LRMDA: variants seen among roughly 807,000 people sequenced by gnomAD.
LRMDA encodes leucine rich melanocyte differentiation associated.
A neutral mutation model predicts 29.8 loss-of-function variants in LRMDA; 18 were observed. The observed-to-expected ratio is 0.60, with a 90% confidence interval of 0.42 to 0.90. The LOEUF is 0.90. Ranked by LOEUF, LRMDA falls within the 40% of genes least tolerant of loss-of-function variation. The probability of loss-of-function intolerance (pLI) is 0.00; values close to 1 mark genes in which losing one functional copy is unlikely to be tolerated. For synonymous variants in LRMDA, 125 were observed against 109.4 expected, an observed-to-expected ratio of 1.14 and a Z score of -0.89; for missense variants, 273 against 273.9, an observed-to-expected ratio of 1.00 and a Z score of 0.02.
rs1032983330 is a variant in LRMDA at position 75,438,276 on chromosome 10, T to G, written c.31-118T>G. The G allele has an allele frequency of 1.2e-5, 10 of 818,806 alleles. No individual in the cohort carries two copies. The African/African-American group carries it at 1.7e-4, about 14-fold the overall frequency. 50.7% of individuals were successfully genotyped at this position (818,806 alleles called of 1,614,324 possible). ...AACAGTCACAAGTGTGGCCTTTTTG[T>G]GTGTGAGAAACATGTGTTTCAAGTT... is the stretch of plus-strand genomic sequence containing the variant. On this transcript the variant is annotated intron_variant, in intron 1 of 6. Coordinates refer to ENST00000611255, the MANE Select transcript of LRMDA (RefSeq NM_001305581.2).
At chr10:75,435,804 T>C (rs1346535328) in intron 1 of LRMDA, among the ~76,000 whole-genome samples, 1 of 152,174 alleles carries the variant, frequency 6.6e-6, no homozygotes, top group East Asian at 1.9e-4. Context: ...TCCCAGGCTC[T>C]AACACTCTTC....
intron 5 of LRMDA, chr10:76,319,176 T>TG (rs1283402271): frequency 6.6e-6 from 1 of 152,300 alleles, no homozygotes; most frequent in Non-Finnish European, 1.5e-5. Context: ...CCCAAAGTGC[T>TG]GGGATTACAG....
intron 2 of LRMDA, among the ~76,000 whole-genome samples, chr10:75,521,830 C>A (rs11001407): frequency 6.6e-6 from 1 of 152,266 alleles, no homozygotes; most frequent in East Asian, 1.9e-4. Flanking sequence ...TGTTCCTATT[C>A]GGCCATCCAT....
chr10:76,227,132 T>A (rs1233012271), intron 5 of LRMDA, among the ~76,000 whole-genome samples: 8 of 152,200 alleles, frequency 5.3e-5, no homozygotes, highest in Admixed American at 5.2e-4. Flanking sequence ...AGGAGTTGGT[T>A]ATGTTCTATC....
At chr10:76,033,090 G>T (rs1848178246) in intron 2 of LRMDA, among the ~76,000 whole-genome samples, 1 of 151,936 alleles carries the variant, frequency 6.6e-6, no homozygotes, top group African/African-American at 2.4e-5. Flanking sequence ...AAAGGGTAAA[G>T]CCACCTCATT....
intron 5 of LRMDA, among the ~76,000 whole-genome samples, chr10:76,293,847 T>C (rs1840379943): frequency 6.6e-6 from 1 of 152,244 alleles, no homozygotes; most frequent in South Asian, 2.1e-4. Context: ...TAAATCTGTT[T>C]ACTCTCTGGT....
chr10:76,226,285 T>C (rs150903883), intron 5 of LRMDA, among the ~76,000 whole-genome samples: 2,019 of 152,106 alleles, frequency 0.013, 44 homozygotes, highest in African/African-American at 0.042. Flanking sequence ...CTAACACCTA[T>C]AAAACCATCA....
intron 6 of LRMDA, among the ~76,000 whole-genome samples, chr10:76,390,103 A>G (rs180839689): frequency 6.6e-6 from 1 of 152,358 alleles, no homozygotes; most frequent in African/African-American, 2.4e-5. Flanking sequence ...TTACAATCCT[A>G]CCAACAATGC....
chr10:76,235,086 T>A (rs1852127149), intron 5 of LRMDA, among the ~76,000 whole-genome samples: 1 of 152,184 alleles, frequency 6.6e-6, no homozygotes, highest in Non-Finnish European at 1.5e-5. Context: ...GATTTAAGTG[T>A]GCCTCTTTCT....
intron 2 of LRMDA, among the ~76,000 whole-genome samples, chr10:75,588,564 C>T (rs780687930): frequency 2.2e-4 from 34 of 152,054 alleles, no homozygotes; most frequent in Admixed American, 1.6e-3. Flanking sequence ...AACTCAATTG[C>T]GCTTTTTTGA....
At chr10:76,255,670 C>T (rs1023505173) in intron 5 of LRMDA, among the ~76,000 whole-genome samples, 44 of 152,264 alleles carry the variant, frequency 2.9e-4, no homozygotes, top group African/African-American at 7.5e-4. Flanking sequence ...ATTGATAGTG[C>T]ATACAGTAGC....
At chr10:75,739,017 A>G (rs10450307) in intron 2 of LRMDA, among the ~76,000 whole-genome samples, 3,761 of 152,250 alleles carry the variant, frequency 0.025, 148 homozygotes, top group African/African-American at 0.082. Flanking sequence ...GGTCCCACTC[A>G]CACACTGACC....
At chr10:76,418,666 G>T (rs140100921) in intron 6 of LRMDA, among the ~76,000 whole-genome samples, 11 of 151,824 alleles carry the variant, frequency 7.2e-5, no homozygotes, top group African/African-American at 2.4e-4. Context: ...GAACATAAAT[G>T]GTCTTGAAAG....
chr10:76,444,273 A>G (rs1008525882), intron 6 of LRMDA, among the ~76,000 whole-genome samples: 2 of 152,170 alleles, frequency 1.3e-5, no homozygotes, highest in African/African-American at 4.8e-5. Context: ...TATTTATTTC[A>G]AGGACCCACC....
intron 6 of LRMDA, among the ~76,000 whole-genome samples, chr10:76,475,537 C>T (rs2132321036): frequency 6.6e-6 from 1 of 152,102 alleles, no homozygotes; most frequent in Non-Finnish European, 1.5e-5. Flanking sequence ...TTCAGCTCTG[C>T]ACCAAGCAGA....
At chr10:76,485,569 T>C (rs981466349) in intron 6 of LRMDA, among the ~76,000 whole-genome samples, 1 of 151,928 alleles carries the variant, frequency 6.6e-6, no homozygotes, top group African/African-American at 2.4e-5. Context: ...AAAAATATTT[T>C]ATTTTACCTT....
intron 5 of LRMDA, among the ~76,000 whole-genome samples, chr10:76,177,246 T>A (rs145002132): frequency 6.6e-6 from 1 of 152,342 alleles, no homozygotes; most frequent in East Asian, 1.9e-4. Context: ...GTACATCACA[T>A]GATGACATTT....
chr10:76,224,012 G>A (rs1452605865), intron 5 of LRMDA, among the ~76,000 whole-genome samples: 2 of 152,038 alleles, frequency 1.3e-5, no homozygotes, highest in Non-Finnish European at 1.5e-5. Context: ...GTTTCCCCAG[G>A]TATTCCTTAT....
chr10:76,447,815 G>T (rs1459274893), intron 6 of LRMDA, among the ~76,000 whole-genome samples: 1 of 152,110 alleles, frequency 6.6e-6, no homozygotes, highest in Non-Finnish European at 1.5e-5. Flanking sequence ...CTTTGCCTTT[G>T]TCTGTTTCTA....
Sources: gnomAD v4.1 joint callset for allele counts (sites outside exome capture counted in the v4.1 genomes callset) on GRCh38, gnomAD v4.1.1 for gene constraint, MANE v1.5 for transcripts, NCBI Gene and HGNC (gene_info 2026-07-23, HGNC 2026-07-21) for gene names.